The following PASK variants were observed in gnomAD, a reference collection of about 807,000 sequenced individuals.
PASK encodes PAS domain containing serine/threonine kinase.
PASK carries 110 observed loss-of-function variants against 121.0 expected under a neutral mutation model. The ratio of observed to expected loss-of-function variants is 0.91; its 90% CI spans 0.78 to 1.06. The LOEUF is 1.06. PASK is among the 50% of genes least tolerant of loss of function. The probability of loss-of-function intolerance (pLI) is 0.00; values close to 1 mark genes in which losing one functional copy is unlikely to be tolerated. For missense variants in PASK, 1,643 were observed against 1,702.3 expected (o/e 0.97, Z 0.61); for synonymous variants, 686 against 717.8 (o/e 0.96, Z 0.71).
chr2:241,115,229 C>T lies in PASK; in HGVS notation c.3199-52G>A, dbSNP rs186744845. 4 of 1,613,836 alleles carry T rather than the reference C, an allele frequency of 2.5e-6. No individual in the cohort carries two copies. In the Admixed American group the frequency reaches 6.7e-5, roughly 27 times the overall value. ...CTCTACCAAAACATCTTCAAGTCAA[C>T]AAATTGAAGACATTTGACATGAGCC... is the stretch of plus-strand genomic sequence containing the variant. On this transcript the variant is annotated intron_variant, in intron 13 of 17. Coordinates refer to ENST00000234040, the MANE Select transcript of PASK (RefSeq NM_015148.4).
chr2:241,126,959 G>A lies in PASK; in HGVS notation c.1956C>T (p.Asn652=), dbSNP rs367844922. The A allele has an allele frequency of 5.9e-5, 96 of 1,614,090 alleles. No homozygotes were observed. Among genetic ancestry groups the A allele is most frequent in the African/African-American group, 9.3e-5 (7 of 74,946 alleles). ...AGCAGGTCTGCAGCTCTTCTCGGTC[G>A]TTTTCCACTCCCAGCCACGGCTCAT... ...TLDEPWLGVE[N]DREELQTCLI... Residue 652 remains asparagine (N), a synonymous_variant, in exon 10 of 18, where the codon AAC becomes AAT. Coordinates refer to ENST00000234040, the MANE Select transcript of PASK (RefSeq NM_015148.4).
Position 241,108,316 on chromosome 2 carries a change from G to A in PASK, c.3534-16C>T. ...CCCTCTGTAGCTGTGAGGAGGAGGA[G>A]GCATCAGGACGCCACGGCACTCAGC... On this transcript the variant is annotated splice_polypyrimidine_tract_variant and intron_variant, in intron 15 of 17. Transcript: ENST00000234040. The surrounding 1 kb of genome is among the most constrained non-coding windows in gnomAD (Gnocchi z 5.2). The A allele has an allele frequency of 6.2e-7, 1 of 1,613,796 alleles. No individual in the cohort carries two copies. Among genetic ancestry groups the A allele is most frequent in the South Asian group, 1.1e-5 (1 of 91,086 alleles).
Position 241,112,560 on chromosome 2 carries a change from T to C in PASK, c.3334-121A>G. ...AATAAACCTCCGACTCATAATGAACTGGGGACAGGAAAGATTTTTCAATGC... is the reference window on the plus strand; with the variant it reads ...AATAAACCTCCGACTCATAATGAACCGGGGACAGGAAAGATTTTTCAATGC... On this transcript the variant is annotated intron_variant, in intron 14 of 17. Coordinates refer to ENST00000234040, the MANE Select transcript of PASK (RefSeq NM_015148.4). This position sits in a 1 kb window ranked among gnomAD's most constrained non-coding sequence, Gnocchi z 5.2. The C allele has an allele frequency of 1.5e-6, 1 of 658,666 alleles. No homozygotes were observed. 40.8% of individuals were successfully genotyped at this position (658,666 alleles called of 1,614,324 possible).
At chr2:241,140,377 T>C (rs1010566076) in intron 3 of PASK, 144 bp downstream of exon 3, 2 of 728,466 alleles carry the variant, frequency 2.7e-6, no homozygotes, top group African/African-American at 3.5e-5. Flanking sequence ...AGGCTGGTCT[T>C]GAACTCCTGG....
chr2:241,123,977 G>A lies in PASK; in HGVS notation c.2876C>T (p.Ala959Val), dbSNP rs779520844. The part of the protein sequence containing the change: ...SLPGSTHSTA[A>V]ELTGPSLVEV... ...CACCAGGCTGGGTCCGGTGAGCTCA[G>A]CAGCGGTAGAGTGGGTGGAGCCGGG... Residue 959 changes from alanine to valine, a missense_variant, in exon 11 of 18, where the codon GCT (alanine) becomes GTT (valine). Physicochemically the swap from Ala to Val is moderately conservative, Grantham distance 64 (BLOSUM62 0). This residue lies in a region of PASK where 453 missense variants were observed against 511.2 expected (regional missense o/e 0.89). Coordinates refer to ENST00000234040, the MANE Select transcript of PASK (RefSeq NM_015148.4). 6.2e-7 allele frequency: 1 copy of A among 1,613,924 alleles called. No individual in the cohort carries two copies. The highest frequency in any genetic ancestry group is 1.7e-5 in the Admixed American group (1 of 60,028).
intron 1 of PASK, among the ~76,000 whole-genome samples, chr2:241,145,122 C>T (rs1559405155): frequency 6.6e-6 from 1 of 152,168 alleles, no homozygotes; most frequent in Non-Finnish European, 1.5e-5. Context: ...ACCGTGTTAG[C>T]CAAGATGGTC....
intron 12 of PASK, among the ~76,000 whole-genome samples, chr2:241,118,119 A>C (rs913662970): frequency 1.3e-5 from 2 of 152,180 alleles, no homozygotes; most frequent in African/African-American, 2.4e-5. Context: ...TCCTATGAGA[A>C]TCTCAGCTGG....
At chr2:241,121,342 T>G (rs950410078) in intron 12 of PASK, among the ~76,000 whole-genome samples, 1 of 152,228 alleles carries the variant, frequency 6.6e-6, no homozygotes, top group Non-Finnish European at 1.5e-5. Flanking sequence ...GTATGTGAAC[T>G]ATATCTCAAT....
intron 14 of PASK, chr2:241,114,732 A>C: frequency 7.3e-7 from 1 of 1,370,608 alleles, no homozygotes; most frequent in South Asian, 1.8e-5. Context: ...GCTGCATCCT[A>C]ACCCTTACTG....
intron 15 of PASK, among the ~76,000 whole-genome samples, chr2:241,111,672 G>A (rs1329105085): frequency 1.3e-5 from 2 of 151,818 alleles, no homozygotes; most frequent in Non-Finnish European, 2.9e-5. Flanking sequence ...CCAGACTGCA[G>A]AGATGCAAAC....
At position 241,126,681 on chromosome 2, in the gene PASK, T is replaced by TGA; in HGVS notation, c.2233_2234insTC (p.Glu745ValfsTer38). The TGA allele has an allele frequency of 6.2e-7, 1 of 1,614,210 alleles. No homozygotes were observed. The highest frequency in any genetic ancestry group is 8.5e-7 in the Non-Finnish European group (1 of 1,180,048). Reference sequence around the variant, plus strand: ...GTCTGTCTGGTCACTGAAAAAGAGTTCCTTGAGGTTCCAGGAAAACGAATT... The same window carrying TGA: ...GTCTGTCTGGTCACTGAAAAAGAGTTGACCTTGAGGTTCCAGGAAAACGAATT... On this transcript the variant is annotated frameshift_variant, in exon 10 of 18. Coordinates refer to ENST00000234040, the MANE Select transcript of PASK (RefSeq NM_015148.4). LOFTEE classifies it high-confidence loss of function.
intron 10 of PASK, among the ~76,000 whole-genome samples, chr2:241,125,484 C>CA (rs766247142): frequency 4.6e-5 from 7 of 151,060 alleles, no homozygotes; most frequent in Non-Finnish European, 7.4e-5. Context: ...CCTGTAGTCC[C>CA]AGCTACTAGG....
chr2:241,128,876 G>A (rs189194041), intron 9 of PASK, among the ~76,000 whole-genome samples: 23 of 151,934 alleles, frequency 1.5e-4, no homozygotes, highest in South Asian at 2.1e-4. Flanking sequence ...AAAAAAAGAC[G>A]GAAGAGGAAG....
chr2:241,132,534 A>T (rs1475742518), intron 9 of PASK, among the ~76,000 whole-genome samples: 14 of 142,762 alleles, frequency 9.8e-5, no homozygotes, highest in Admixed American at 7.3e-4. Context: ...GTCTAAAAAA[A>T]AAAAAAAAAA....
chr2:241,136,148 C>CAGGG (rs2066417828), intron 7 of PASK, 109 bp from the exon 8 acceptor site: 2 of 1,016,514 alleles, frequency 2.0e-6, no homozygotes, highest in Non-Finnish European at 3.1e-6. Context: ...CCTGAGGGTT[C>CAGGG]ACCCTTAAGG....
intron 9 of PASK, among the ~76,000 whole-genome samples, chr2:241,132,500 G>GA (rs1559385776): frequency 1.8e-5 from 2 of 114,148 alleles, no homozygotes. Flanking sequence ...CTGCACTCCA[G>GA]CCTGGGTGAC....
intron 8 of PASK, 135 bp downstream of exon 8, chr2:241,135,736 C>T (rs1246764436): frequency 4.0e-6 from 3 of 750,064 alleles, no homozygotes; most frequent in Admixed American, 4.4e-5. Flanking sequence ...ACAGTCACCC[C>T]CTACTCCGCC....
chr2:241,145,348 G>A (rs1436770829), intron 1 of PASK, among the ~76,000 whole-genome samples: 1 of 152,072 alleles, frequency 6.6e-6, no homozygotes, highest in Non-Finnish European at 1.5e-5. Flanking sequence ...AGCCAGGCAG[G>A]TCTCGTGGCC....
intron 8 of PASK, chr2:241,133,573 T>C (rs141323727): frequency 1.1e-3 from 225 of 204,382 alleles, no homozygotes; most frequent in African/African-American, 5.1e-3. Flanking sequence ...CCATGTCACC[T>C]GGCTCCCTCC....
Sources: allele counts gnomAD v4.1 joint callset (sites outside exome capture counted in the v4.1 genomes callset), GRCh38; gene constraint gnomAD v4.1.1; regional missense constraint gnomAD v4.1.1; non-coding constraint Gnocchi (gnomAD v3.1); transcripts MANE v1.5; gene names NCBI Gene and HGNC (gene_info 2026-07-23, HGNC 2026-07-21).